The following NALCN variants were observed in gnomAD, a reference collection of about 807,000 sequenced individuals.
The protein encoded by NALCN is sodium leak channel, non-selective, also known as sodium leak channel NALCN.
Under a neutral mutation model 225.3 loss-of-function variants are expected in NALCN, and 111 were observed. The observed-to-expected ratio is 0.49, with a 90% CI of 0.42 to 0.58. The LOEUF (loss-of-function observed/expected upper bound fraction) is 0.58, where lower values mean the gene tolerates loss of function less well. NALCN is among the 20% of genes least tolerant of loss of function. The pLI, the probability that NALCN is intolerant of heterozygous loss-of-function variation, is 0.00. For synonymous variants in NALCN, 764 were observed against 769.0 expected (o/e 0.99, Z 0.11); for missense variants, 1,378 against 2,202.4 (o/e 0.63, Z 7.49).
chr13:101,146,559 C>T (rs961926297), intron 15 of NALCN, among the ~76,000 whole-genome samples: 3 of 152,098 alleles, frequency 2.0e-5, no homozygotes, highest in African/African-American at 7.2e-5. Flanking sequence ...TAGAAAAATA[C>T]TTGTCAGTGG....
At chr13:101,121,952 T>C (rs2139688750) in intron 18 of NALCN, among the ~76,000 whole-genome samples, 1 of 103,740 alleles carries the variant, frequency 9.6e-6, no homozygotes, top group Admixed American at 1.1e-4. Context: ...GCAAATGTTT[T>C]CCTTTTTTTT....
intron 14 of NALCN, among the ~76,000 whole-genome samples, chr13:101,179,248 C>T (rs1020515767): frequency 5.3e-5 from 8 of 152,182 alleles, no homozygotes; most frequent in African/African-American, 1.2e-4. Context: ...TGCCAGCCCA[C>T]AGTGAGTTTC....
chr13:101,097,028 G>A (rs2034547515), intron 27 of NALCN, among the ~76,000 whole-genome samples: 1 of 152,124 alleles, frequency 6.6e-6, no homozygotes, highest in African/African-American at 2.4e-5. Context: ...CCAGCATCAA[G>A]CTTAGGGTTC....
intron 41 of NALCN, 55 bp downstream of exon 41, chr13:101,061,913 C>T (rs1306000216): frequency 4.8e-5 from 59 of 1,227,146 alleles, no homozygotes; most frequent in East Asian, 9.3e-5. Flanking sequence ...CATCCTCCTG[C>T]GGGGCAGGGC....
chr13:101,166,171 C>T (rs539272774), intron 15 of NALCN, among the ~76,000 whole-genome samples: 1 of 152,294 alleles, frequency 6.6e-6, no homozygotes, highest in African/African-American at 2.4e-5. Flanking sequence ...GGGTTGCTTC[C>T]ACCTTCTGTT....
At chr13:101,323,030 A>C (rs2044808788) in intron 7 of NALCN, among the ~76,000 whole-genome samples, 1 of 152,156 alleles carries the variant, frequency 6.6e-6, no homozygotes, top group Admixed American at 6.5e-5. Flanking sequence ...TCCATTTTTA[A>C]GTAAGATAAC....
intron 1 of NALCN, among the ~76,000 whole-genome samples, chr13:101,415,297 C>T (rs1384127364): frequency 1.3e-5 from 2 of 150,872 alleles, no homozygotes; most frequent in South Asian, 2.1e-4. Flanking sequence ...CCACCAACTA[C>T]TAACACGAAG....
At chr13:101,315,184 C>A (rs1313076813) in intron 7 of NALCN, among the ~76,000 whole-genome samples, 1 of 151,776 alleles carries the variant, frequency 6.6e-6, no homozygotes, top group Non-Finnish European at 1.5e-5. Context: ...TCACAAAATG[C>A]CAATGTGGTT....
At position 101,345,737 on chromosome 13, in the gene NALCN, A is replaced by AATATATATATATATATATAT. The variant is rs10560892; in HGVS notation, c.645-337_645-318dup. On this transcript the variant is annotated intron_variant, in intron 6 of 43. Transcript: ENST00000251127. ...ATCTATCTAAGAGTACAGCAAAGAG[A>AATATATATATATATATATAT]ATATATATATATATATATATATATA... Among the ~76,000 whole-genome samples the AATATATATATATATATATAT allele has an allele frequency of 2.6e-3, 226 of 86,606 alleles. 4 individuals are homozygous for AATATATATATATATATATAT. Among genetic ancestry groups the AATATATATATATATATATAT allele is most frequent in the East Asian group, 7.0e-3 (14 of 2,004 alleles). The allele number at this position is 86,606 out of a possible 152,430, so 56.8% of individuals were successfully genotyped here. A position where few individuals can be genotyped will look rare whatever the true frequency, so the allele number is the denominator to read the frequency against.
intron 17 of NALCN, among the ~76,000 whole-genome samples, chr13:101,127,391 C>T (rs921948221): frequency 2.6e-5 from 4 of 152,094 alleles, no homozygotes; most frequent in African/African-American, 7.2e-5. Flanking sequence ...AAGAGTCTCA[C>T]TCTGTTGCCC....
intron 7 of NALCN, among the ~76,000 whole-genome samples, chr13:101,296,154 C>G (rs1347716892): frequency 1.3e-5 from 2 of 152,146 alleles, no homozygotes. Flanking sequence ...TCTCATGTCA[C>G]TCGTCATACT....
intron 14 of NALCN, among the ~76,000 whole-genome samples, chr13:101,189,527 C>T (rs1177467168): frequency 6.6e-6 from 1 of 152,130 alleles, no homozygotes; most frequent in Non-Finnish European, 1.5e-5. Context: ...AATTATTATC[C>T]TCACTTTCCG....
At chr13:101,110,990 A>C (rs373372073) in intron 19 of NALCN, 135 bp downstream of exon 19, 25 of 847,554 alleles carry the variant, frequency 2.9e-5, no homozygotes, top group East Asian at 2.0e-4. Flanking sequence ...TGTAACAAAC[A>C]GCAAATAGAA....
intron 11 of NALCN, among the ~76,000 whole-genome samples, chr13:101,253,581 A>C (rs2042125750): frequency 6.6e-6 from 1 of 152,212 alleles, no homozygotes; most frequent in Non-Finnish European, 1.5e-5. Flanking sequence ...TGGGCCCCCC[A>C]AAAATCATAG....
chr13:101,339,139 A>G (rs1227851723), intron 7 of NALCN, among the ~76,000 whole-genome samples: 1 of 152,214 alleles, frequency 6.6e-6, no homozygotes, highest in African/African-American at 2.4e-5. Context: ...GTATTCAGAA[A>G]AGGGAAGACA....
intron 1 of NALCN, among the ~76,000 whole-genome samples, chr13:101,415,350 G>A (rs1291284095): frequency 1.3e-5 from 2 of 151,972 alleles, no homozygotes; most frequent in Non-Finnish European, 2.9e-5. Context: ...GGGCAGTCGG[G>A]CCTAGCTGAT....
intron 14 of NALCN, chr13:101,180,717 T>C: frequency 4.6e-6 from 1 of 216,244 alleles, no homozygotes; most frequent in Non-Finnish European, 9.4e-6. Context: ...CAAGGTTCTC[T>C]CCCCATCAGG....
intron 7 of NALCN, among the ~76,000 whole-genome samples, chr13:101,331,484 C>T (rs1050899499): frequency 5.3e-5 from 8 of 152,078 alleles, no homozygotes; most frequent in African/African-American, 9.7e-5. Context: ...CTTGAAAATA[C>T]GTAAACAACT....
rs544877683 is a variant in NALCN, at chr13:101,147,672, G to A, written c.1840-2776C>T. ...TCTTGCCTCAGCCTCCTGAGTAGCCGGGACTACAGGTGCGAGCTGCCATGC... is the reference window on the plus strand; with the variant it reads ...TCTTGCCTCAGCCTCCTGAGTAGCCAGGACTACAGGTGCGAGCTGCCATGC... On this transcript the variant is annotated intron_variant, in intron 15 of 43. Transcript: ENST00000251127. Among the ~76,000 whole-genome samples, 17 of 152,222 alleles carry A rather than the reference G, an allele frequency of 1.1e-4. No individual in the cohort carries two copies. In the East Asian group the frequency reaches 1.4e-3, roughly 12 times the overall value.
Sources: gnomAD v4.1 joint callset for allele counts (sites outside exome capture counted in the v4.1 genomes callset) on GRCh38, gnomAD v4.1.1 for gene constraint, MANE v1.5 for transcripts, NCBI Gene and HGNC (gene_info 2026-07-23, HGNC 2026-07-21) for gene names.